Variants in TET3 observed in about 807,000 individuals in gnomAD.
TET3 encodes methylcytosine dioxygenase TET3.
A neutral mutation model predicts 141.4 loss-of-function variants in TET3; 19 were observed. The observed-to-expected ratio is 0.13, with a 90% CI of 0.09 to 0.20. The LOEUF (loss-of-function observed/expected upper bound fraction) is 0.20. TET3 is among the 10% of genes least tolerant of loss of function. The probability of loss-of-function intolerance (pLI) is 1.00; values close to 1 mark genes in which losing one functional copy is unlikely to be tolerated. For synonymous variants in TET3, 1,043 were observed against 980.9 expected (o/e 1.06, Z -1.18); for missense variants, 1,874 against 2,356.9 (o/e 0.80, Z 4.24).
At chr2:73,985,258 G>C (rs1175339966) in intron 1 of TET3, 101 bp downstream of exon 1, 2 of 142,544 alleles carry the variant, frequency 1.4e-5, no homozygotes, top group African/African-American at 5.1e-5. Flanking sequence ...GCCCGGATCC[G>C]GCGGGGGGCC....
rs7603655 is a variant in TET3 at position 74,104,832 on chromosome 2, G to A, written c.*2656G>A. The A allele has an allele frequency of 0.012, 2,759 of 227,720 alleles. 87 individuals carry two copies. The highest frequency in any genetic ancestry group is 0.057 in the African/African-American group (2,561 of 44,558). The allele number at this position is 227,720 out of a possible 1,614,324, so 14.1% of individuals were successfully genotyped here. On this transcript the variant is annotated 3_prime_UTR_variant, in exon 12 of 12. Transcript: ENST00000409262. ...TGGTTCATCAGTTTCTGCAGTAGGA[G>A]ATAGGCTGCTGAGAGGTGAGTCAAG...
At chr2:74,113,899 A>G in the TET3 span, among the ~76,000 whole-genome samples, 5 of 152,144 alleles carry the variant, frequency 3.3e-5, no homozygotes, top group African/African-American at 9.7e-5. Context: ...TACATATTTA[A>G]TGCAATCCCT....
At chr2:74,031,655 C>T (rs1686694522) in intron 3 of TET3, among the ~76,000 whole-genome samples, 1 of 152,182 alleles carries the variant, frequency 6.6e-6, no homozygotes, top group South Asian at 2.1e-4. Context: ...CATTTCCTAG[C>T]CTACTCTGTG....
intron 2 of TET3, among the ~76,000 whole-genome samples, chr2:74,002,372 C>CT (rs931025467): frequency 1.1e-4 from 17 of 149,812 alleles, no homozygotes; most frequent in African/African-American, 4.2e-4. Flanking sequence ...TCCCCCCCCA[C>CT]CCCCCCGGCG....
At chr2:74,057,765 C>T (rs541684452) in intron 4 of TET3, among the ~76,000 whole-genome samples, 203 of 152,292 alleles carry the variant, frequency 1.3e-3, no homozygotes, top group African/African-American at 4.5e-3. Flanking sequence ...GGGGGAGAAA[C>T]TAGAGATCAG....
At chr2:74,118,108 G>A in the TET3 span, among the ~76,000 whole-genome samples, 5 of 152,204 alleles carry the variant, frequency 3.3e-5, no homozygotes, top group South Asian at 2.1e-4. Flanking sequence ...CACCTGTGAC[G>A]CTAATCATCT....
chr2:74,038,688 AG>A (rs1687192683), intron 3 of TET3, among the ~76,000 whole-genome samples: 2 of 152,146 alleles, frequency 1.3e-5, no homozygotes, highest in African/African-American at 4.8e-5. Context: ...CCAGGTCCCT[AG>A]GGAGGAAGCA....
intron 3 of TET3, among the ~76,000 whole-genome samples, chr2:74,040,083 G>A (rs1052459673): frequency 1.3e-5 from 2 of 152,292 alleles, no homozygotes; most frequent in Admixed American, 6.5e-5. Flanking sequence ...TATGTCACAC[G>A]TATTAAGCAC....
chr2:73,995,043 C>G (rs1226899553), intron 2 of TET3, among the ~76,000 whole-genome samples: 2 of 152,204 alleles, frequency 1.3e-5, no homozygotes, highest in Non-Finnish European at 2.9e-5. Flanking sequence ...TCACTGCAAC[C>G]TCTGCCTCAT....
chr2:74,129,731 G>A, the TET3 span, among the ~76,000 whole-genome samples: 1 of 152,010 alleles, frequency 6.6e-6, no homozygotes, highest in African/African-American at 2.4e-5. Context: ...TGACTTTTTT[G>A]TTTTTATATC....
At chr2:74,121,469 G>A in the TET3 span, 1 of 152,228 alleles carries the variant, frequency 6.6e-6, no homozygotes, top group African/African-American at 2.4e-5. Flanking sequence ...AAACTTTCAA[G>A]TCAGAGTGTG....
At chr2:74,030,135 A>G (rs781282168) in intron 3 of TET3, among the ~76,000 whole-genome samples, 15 of 152,236 alleles carry the variant, frequency 9.9e-5, no homozygotes, top group Non-Finnish European at 2.2e-4. Flanking sequence ...TGAGAGATAA[A>G]TGAATGAATA....
At chr2:74,123,626 G>A in the TET3 span, among the ~76,000 whole-genome samples, 2 of 152,090 alleles carry the variant, frequency 1.3e-5, no homozygotes, top group East Asian at 1.9e-4. Flanking sequence ...CCTCCCAGCC[G>A]CCTGCCTTGG....
At position 74,056,401 on chromosome 2, in the gene TET3, C is replaced by T. The variant is rs145623343; in HGVS notation, c.2494+7990C>T. On this transcript the variant is annotated intron_variant, in intron 4 of 11. Coordinates refer to ENST00000409262, the MANE Select transcript of TET3 (RefSeq NM_001287491.2). The stretch of plus-strand genomic sequence containing the variant: ...CAGAAATGGAACAGAACATATTTTT[C>T]TATTTTAATGAGTATAGAATTAAGT... Among the ~76,000 whole-genome samples the T allele has an allele frequency of 8.5e-5, 13 of 152,270 alleles. No homozygotes were observed. The East Asian group carries it at 2.5e-3, about 29-fold the overall frequency.
At chr2:74,134,872 C>A in the TET3 span, 1 of 423,516 alleles carries the variant, frequency 2.4e-6, no homozygotes, top group Admixed American at 2.5e-5. Context: ...GCCATGGCTG[C>A]AGCAGGAATG....
At chr2:74,012,221 C>T (rs1180068181) in intron 3 of TET3, among the ~76,000 whole-genome samples, 1 of 152,180 alleles carries the variant, frequency 6.6e-6, no homozygotes, top group East Asian at 1.9e-4. Flanking sequence ...CCTTGGCCTC[C>T]CAAAGTGTTA....
chr2:74,038,615 C>G (rs988384937), intron 3 of TET3, among the ~76,000 whole-genome samples: 1 of 152,162 alleles, frequency 6.6e-6, no homozygotes, highest in African/African-American at 2.4e-5. Flanking sequence ...AGAGAGATCA[C>G]CAACTCTGCC....
chr2:74,018,000 T>G (rs1231254598), intron 3 of TET3, among the ~76,000 whole-genome samples: 2 of 145,816 alleles, frequency 1.4e-5, no homozygotes, highest in Non-Finnish European at 3.0e-5. Context: ...GGAGTTTTGC[T>G]CTTGTCGCCC....
At chr2:74,000,379 C>T (rs1473834177) in intron 2 of TET3, among the ~76,000 whole-genome samples, 2 of 152,200 alleles carry the variant, frequency 1.3e-5, no homozygotes, top group Admixed American at 6.5e-5. Context: ...TAAATAACTG[C>T]ACTTTATTGT....
Sources: gnomAD v4.1 joint callset for allele counts (sites outside exome capture counted in the v4.1 genomes callset) on GRCh38, gnomAD v4.1.1 for gene constraint, MANE v1.5 for transcripts, NCBI Gene and HGNC (gene_info 2026-07-23, HGNC 2026-07-21) for gene names.